ACAD8: variants seen among roughly 807,000 people sequenced by gnomAD.
ACAD8 encodes acyl-CoA dehydrogenase family member 8.
A neutral mutation model predicts 53.1 loss-of-function variants in ACAD8; 47 were observed. That is an observed-to-expected ratio of 0.89 (90% CI 0.70 to 1.13). ACAD8 has a LOEUF of 1.13. Ranked by LOEUF, ACAD8 falls within the 50% of genes most tolerant of loss-of-function variation. The pLI is 0.00. For synonymous variants in ACAD8, 198 were observed against 201.3 expected (o/e 0.98, Z 0.14); for missense variants, 494 against 535.0 (o/e 0.92, Z 0.76).
At chr11:134,262,740 C>T (rs763005355) in intron 10 of ACAD8, 118 bp downstream of exon 10, 19 of 1,514,286 alleles carry the variant, frequency 1.3e-5, no homozygotes, top group South Asian at 8.4e-5. Flanking sequence ...CTGTCTGTCT[C>T]GAGGCTTCCT....
At position 134,256,673 on chromosome 11, in the gene ACAD8, C is replaced by T. The variant is rs75459087; in HGVS notation, c.210+25C>T. On this transcript the variant is annotated intron_variant, in intron 2 of 10. Transcript: ENST00000281182. Reference sequence around the variant, plus strand: ...GGTAGGCGTTTTTCTTGTGCTTAGACGTTCTAACAACAGATGTCTCAGGCA... The same window carrying T: ...GGTAGGCGTTTTTCTTGTGCTTAGATGTTCTAACAACAGATGTCTCAGGCA... The T allele has an allele frequency of 4.1e-3, 6,560 of 1,592,084 alleles. 180 individuals are homozygous for T. The African/African-American group carries it at 0.069, about 17-fold the overall frequency.
In ACAD8 at chr11:134,259,611, T is replaced by C. The variant is rs1555066310; in HGVS notation, c.571T>C (p.Phe191Leu). The C allele has an allele frequency of 6.2e-7, 1 of 1,614,144 alleles. No individual in the cohort carries two copies. The highest frequency in any genetic ancestry group is 2.2e-5 in the East Asian group (1 of 44,886). Residue 191 changes from phenylalanine (F) to leucine (L), a missense_variant, in exon 6 of 11, where the codon TTC becomes CTC. Transcript: ENST00000281182. Reference sequence around the variant, plus strand: ...TGCACCCCTTTTACCCCCACAGGCCTTCATCAGTGGTGCTGGTGAGTCAGA... The same window carrying C: ...TGCACCCCTTTTACCCCCACAGGCCCTCATCAGTGGTGCTGGTGAGTCAGA... ...DHYILNGSKA[F>L]ISGAGESDIY...
At position 134,259,674 on chromosome 11, in the gene ACAD8, C is replaced by T; in HGVS notation, c.634C>T (p.Pro212Ser). 1 of 1,614,178 alleles carries T rather than the reference C, an allele frequency of 6.2e-7. No individual in the cohort carries two copies. The highest frequency in any genetic ancestry group is 8.5e-7 in the Non-Finnish European group (1 of 1,180,036). Reference sequence around the variant, plus strand: ...CATGTGCCGAACAGGAGGACCAGGCCCCAAGGGCATCTCATGCATAGTTGT... The same window carrying T: ...CATGTGCCGAACAGGAGGACCAGGCTCCAAGGGCATCTCATGCATAGTTGT... The part of the protein sequence containing the change: ...VVMCRTGGPG[P>S]KGISCIVVEK... The change falls in exon 6 of 11, where the codon CCC (proline) becomes TCC (serine). Residue 212 changes from proline (P) to serine (S), a missense_variant. By Grantham distance (74) the Pro-to-Ser change is moderately conservative (BLOSUM62 -1). Transcript: ENST00000281182.
At chr11:134,260,362 C>T (rs1354970100) in intron 6 of ACAD8, 3 of 235,496 alleles carry the variant, frequency 1.3e-5, no homozygotes, top group Non-Finnish European at 2.3e-5. Flanking sequence ...GCAGTCATCT[C>T]TCTCTAGTTT....
At chr11:134,260,993 G>C in intron 6 of ACAD8, 51 bp from the exon 7 acceptor site, 1 of 1,601,438 alleles carries the variant, frequency 6.2e-7, no homozygotes, top group Non-Finnish European at 8.5e-7. Flanking sequence ...AGGGAAGGCC[G>C]CCCTACCTGC....
chr11:134,263,370 C>A, intron 10 of ACAD8: 1 of 988,612 alleles, frequency 1.0e-6, no homozygotes, highest in Non-Finnish European at 1.2e-6. Flanking sequence ...GCTGGAATCG[C>A]CTGGAGGGCA....
At chr11:134,260,899 G>C in intron 6 of ACAD8, 145 bp from the exon 7 acceptor site, 2 of 932,388 alleles carry the variant, frequency 2.1e-6, no homozygotes, top group South Asian at 1.4e-5. Context: ...CTTTAAACCT[G>C]AACTTTTTCT....
At chr11:134,259,162 C>G in intron 5 of ACAD8, 78 bp downstream of exon 5, 1 of 1,327,976 alleles carries the variant, frequency 7.5e-7, no homozygotes, top group Non-Finnish European at 1.1e-6. Flanking sequence ...TCCTTCACAT[C>G]CGCGGGTTAA....
At position 134,259,760 on chromosome 11, in the gene ACAD8, G is replaced by A; in HGVS notation, c.705+15G>A. The stretch of plus-strand genomic sequence containing the variant: ...AGGAGAAAAAGGTGAGTGGCTGTTG[G>A]ACAGGAAACAATTCAGGTTATGAGA... On this transcript the variant is annotated intron_variant, in intron 6 of 10. Transcript: ENST00000281182. The A allele has an allele frequency of 3.1e-6, 5 of 1,614,150 alleles. No homozygotes were observed. The highest frequency in any genetic ancestry group is 4.2e-6 in the Non-Finnish European group (5 of 1,180,034).
chr11:134,263,750 A>G (rs1940037227), intron 10 of ACAD8: 2 of 985,452 alleles, frequency 2.0e-6, no homozygotes, highest in Non-Finnish European at 1.2e-6. Flanking sequence ...AATAAGCAGG[A>G]AAACATTTAT....
At chr11:134,264,450 G>A (rs1245728280) in intron 10 of ACAD8, among the ~76,000 whole-genome samples, 5 of 152,104 alleles carry the variant, frequency 3.3e-5, no homozygotes, top group African/African-American at 1.2e-4. Flanking sequence ...CCTGGGGGGC[G>A]GAGGTTGCAG....
At chr11:134,258,159 C>G in intron 3 of ACAD8, 1 of 355,548 alleles carries the variant, frequency 2.8e-6, no homozygotes, top group Non-Finnish European at 5.4e-6. Flanking sequence ...CCCTCTCACC[C>G]TTTTCCTCAA....
At chr11:134,253,802 C>T (rs1939274869) in intron 1 of ACAD8, 93 bp downstream of exon 1, 1 of 1,307,664 alleles carries the variant, frequency 7.6e-7, no homozygotes, top group Non-Finnish European at 1.1e-6. Context: ...TCCATCCAGT[C>T]ACCCCGGCGT....
At position 134,257,110 on chromosome 11, in the gene ACAD8, T is replaced by C. The variant is rs767613745; in HGVS notation, c.233T>C (p.Met78Thr). 6 of 1,614,202 alleles carry C rather than the reference T, an allele frequency of 3.7e-6. No individual in the cohort carries two copies. In the Admixed American group the frequency reaches 6.7e-5, roughly 18 times the overall value. The change falls in exon 3 of 11, where the codon ATG becomes ACG. Residue 78 changes from methionine (M) to threonine (T), a missense_variant. Physicochemically the swap from Met to Thr is moderately conservative, Grantham distance 81. Coordinates refer to ENST00000281182, the MANE Select transcript of ACAD8 (RefSeq NM_014384.3). ...DQKELFPVDV[M>T]RKAAQLGFGG... is the part of the protein sequence containing the mutation. ...TAGGAGCTGTTCCCAGTGGATGTGA[T>C]GCGGAAGGCAGCCCAGCTAGGCTTC...
rs1419219840 is a variant in ACAD8, at chr11:134,265,729, AATCT to A, written c.*773_*776del. 6.6e-6 allele frequency: 1 copy of A among 152,196 alleles called. No homozygotes were observed. The highest frequency in any genetic ancestry group is 1.5e-5 in the Non-Finnish European group (1 of 68,046). 9.4% of individuals were successfully genotyped at this position (152,196 alleles called of 1,614,324 possible). ...TAAATATTTTTAATCACATTGATAAAATCTATCCTTCACCACCTCTGGTTCTACT... is the reference window on the plus strand; with the variant it reads ...TAAATATTTTTAATCACATTGATAAAATCCTTCACCACCTCTGGTTCTACT... On this transcript the variant is annotated 3_prime_UTR_variant, in exon 11 of 11. Transcript: ENST00000281182.
Position 134,254,435 on chromosome 11 carries a change from C to T in ACAD8, c.109+726C>T, listed in dbSNP as rs527889405. 6.6e-5 allele frequency among the ~76,000 whole-genome samples: 10 copies of T among 152,284 alleles called. No homozygotes were observed. The East Asian group carries it at 1.2e-3, about 18-fold the overall frequency. On this transcript the variant is annotated intron_variant, in intron 1 of 10. Transcript: ENST00000281182. ...AATGTAGCGAGGAGTGGTGGAGACC[C>T]GGCCAGTTTGTGACTTCTCTGCCAA... is the stretch of plus-strand genomic sequence containing the variant.
At position 134,253,597 on chromosome 11, in the gene ACAD8, G is replaced by T. The variant is rs1322726356; in HGVS notation, c.-4G>T. 2 of 1,580,038 alleles carry T rather than the reference G, an allele frequency of 1.3e-6. No homozygotes were observed. The highest frequency in any genetic ancestry group is 8.6e-7 in the Non-Finnish European group (1 of 1,165,430). On this transcript the variant is annotated 5_prime_UTR_variant, in exon 1 of 11. Transcript: ENST00000281182. ...TCTTAGCTGAACGCGGAGCTGCGGC[G>T]GCTATGCTGTGGAGCGGCTGCCGGC...
intron 10 of ACAD8, chr11:134,263,925 A>G (rs1481898781): frequency 3.0e-6 from 3 of 985,428 alleles, no homozygotes; most frequent in Non-Finnish European, 3.6e-6. Flanking sequence ...TTTTGCATTA[A>G]AGGCCACTGC....
intron 1 of ACAD8, 77 bp downstream of exon 1, chr11:134,253,786 C>T: frequency 7.1e-7 from 1 of 1,401,624 alleles, no homozygotes; most frequent in Admixed American, 2.0e-5. Context: ...GCTGCAGTCT[C>T]CCCGTTCCAT....
Sources: allele counts gnomAD v4.1 joint callset (sites outside exome capture counted in the v4.1 genomes callset), GRCh38; gene constraint gnomAD v4.1.1; transcripts MANE v1.5; gene names NCBI Gene and HGNC (gene_info 2026-07-23, HGNC 2026-07-21).